CHCHD3: variants seen among roughly 807,000 people sequenced by gnomAD.
CHCHD3 encodes coiled-coil-helix-coiled-coil-helix domain containing 3, also known as MICOS complex subunit MIC19.
CHCHD3 carries 20 observed loss-of-function variants against 38.2 expected under a neutral mutation model. The observed-to-expected ratio is 0.52, with a 90% CI of 0.37 to 0.76. The LOEUF (loss-of-function observed/expected upper bound fraction) is 0.76. CHCHD3 is among the 30% of genes least tolerant of loss of function. The probability of loss-of-function intolerance (pLI) is 0.00; values close to 1 mark genes in which losing one functional copy is unlikely to be tolerated. For synonymous variants in CHCHD3, 82 were observed against 100.0 expected, an observed-to-expected ratio of 0.82 and a Z score of 1.07; for missense variants, 245 against 279.2, an observed-to-expected ratio of 0.88 and a Z score of 0.87.
At chr7:133,072,391 A>G (rs534385047) in intron 1 of CHCHD3, among the ~76,000 whole-genome samples, 1 of 152,196 alleles carries the variant, frequency 6.6e-6, no homozygotes, top group African/African-American at 2.4e-5. Flanking sequence ...CACTTCACTT[A>G]TTTACTCCTT....
chr7:133,032,716 G>A (rs906081397), intron 2 of CHCHD3, among the ~76,000 whole-genome samples: 15 of 151,852 alleles, frequency 9.9e-5, no homozygotes, highest in African/African-American at 3.1e-4. Context: ...CCTAAAACCC[G>A]TATTGAGAAT....
intron 4 of CHCHD3, among the ~76,000 whole-genome samples, chr7:132,968,174 C>T (rs1216933216): frequency 1.3e-5 from 2 of 152,140 alleles, no homozygotes; most frequent in Non-Finnish European, 1.5e-5. Context: ...AGAGGCCACA[C>T]GTGATAACAA....
chr7:132,875,341 G>T (rs563378584), intron 5 of CHCHD3, among the ~76,000 whole-genome samples: 4 of 152,108 alleles, frequency 2.6e-5, no homozygotes, highest in Admixed American at 6.5e-5. Context: ...TTTATCCAAG[G>T]TTTATTATGT....
chr7:133,020,028 G>A (rs1584648132), intron 3 of CHCHD3, among the ~76,000 whole-genome samples: 1 of 151,798 alleles, frequency 6.6e-6, no homozygotes, highest in Admixed American at 6.6e-5. Flanking sequence ...CTGGATTCTC[G>A]GTACGCTGAG....
intron 2 of CHCHD3, among the ~76,000 whole-genome samples, chr7:133,041,814 T>G (rs1392854013): frequency 6.6e-6 from 1 of 152,206 alleles, no homozygotes; most frequent in African/African-American, 2.4e-5. Context: ...AGAACCCACT[T>G]TCACTATTCT....
At chr7:132,820,611 G>GTTTTTTTTTTTTTTTTTT (rs748470167) in intron 6 of CHCHD3, among the ~76,000 whole-genome samples, 2 of 96,190 alleles carry the variant, frequency 2.1e-5, no homozygotes, top group Non-Finnish European at 2.0e-5. Flanking sequence ...ATGTGCTAGT[G>GTTTTTTTTTTTTTTTTTT]TTTTTTTTTT....
At chr7:132,796,097 ATCCTC>A (rs1414983892) in intron 7 of CHCHD3, among the ~76,000 whole-genome samples, 1 of 152,038 alleles carries the variant, frequency 6.6e-6, no homozygotes, top group African/African-American at 2.4e-5. Context: ...CTTAATCTGT[ATCCTC>A]TTCGCTAGCT....
chr7:132,854,252 A>G (rs1412477613), intron 5 of CHCHD3, among the ~76,000 whole-genome samples: 5 of 152,240 alleles, frequency 3.3e-5, no homozygotes, highest in Non-Finnish European at 7.3e-5. Context: ...AAAATGAAAA[A>G]CAAGTATTTA....
At chr7:132,809,956 C>T (rs1421778067) in intron 6 of CHCHD3, among the ~76,000 whole-genome samples, 1 of 152,124 alleles carries the variant, frequency 6.6e-6, no homozygotes, top group East Asian at 1.9e-4. Flanking sequence ...GCCTTGCAGT[C>T]TTGAAATCAG....
Position 132,936,177 on chromosome 7 carries a change from G to A in CHCHD3, c.369+38992C>T, listed in dbSNP as rs141665576. Among the ~76,000 whole-genome samples, 466 of 152,214 alleles carry A rather than the reference G, an allele frequency of 3.1e-3. 3 individuals carry two copies. Among genetic ancestry groups the A allele is most frequent in the African/African-American group, 0.01 (427 of 41,516 alleles). On this transcript the variant is annotated intron_variant, in intron 4 of 7. Coordinates refer to ENST00000262570, the MANE Select transcript of CHCHD3 (RefSeq NM_017812.4). The stretch of plus-strand genomic sequence containing the variant: ...CGTACGTGGAGTTAGTATAGTGCCC[G>A]GCATGAGTAAGCACCCGATAAATGA...
Position 132,796,429 on chromosome 7 carries a change from C to G in CHCHD3, c.660+13G>C, listed in dbSNP as rs200879275. ...TTGCCCAGTGCCCCCAGTGGCCTGG[C>G]TGGCACACCTACCTGTTTGGCATGA... On this transcript the variant is annotated intron_variant, in intron 7 of 7. Coordinates refer to ENST00000262570, the MANE Select transcript of CHCHD3 (RefSeq NM_017812.4). The G allele has an allele frequency of 1.0e-4, 168 of 1,613,392 alleles. 1 individual carries two copies. The African/African-American group carries it at 1.9e-3, about 18-fold the overall frequency.
At chr7:132,806,729 C>T (rs939075089) in intron 6 of CHCHD3, among the ~76,000 whole-genome samples, 8 of 151,392 alleles carry the variant, frequency 5.3e-5, no homozygotes, top group Non-Finnish European at 1.2e-4. Context: ...AATTTACATA[C>T]AGATTAAAGA....
chr7:132,817,416 A>G (rs2117061424), intron 6 of CHCHD3, among the ~76,000 whole-genome samples: 1 of 152,216 alleles, frequency 6.6e-6, no homozygotes, highest in Non-Finnish European at 1.5e-5. Context: ...GTGCATTGAG[A>G]TTAAAAAAAA....
At chr7:132,975,379 T>A in intron 3 of CHCHD3, 93 bp from the exon 4 acceptor site, 3 of 1,107,994 alleles carry the variant, frequency 2.7e-6, no homozygotes, top group Admixed American at 4.2e-5. Flanking sequence ...TAGAAACACA[T>A]AGCCAAAAAG....
At chr7:132,891,597 C>A (rs376992314) in intron 4 of CHCHD3, among the ~76,000 whole-genome samples, 30 of 152,162 alleles carry the variant, frequency 2.0e-4, no homozygotes, top group African/African-American at 6.5e-4. Flanking sequence ...GAGCCCTGAT[C>A]GACATTTTAA....
At chr7:133,023,920 A>G (rs1562940670) in intron 3 of CHCHD3, among the ~76,000 whole-genome samples, 1 of 152,166 alleles carries the variant, frequency 6.6e-6, no homozygotes. Context: ...TGTTACAAAA[A>G]CACTTCAATG....
intron 6 of CHCHD3, chr7:132,813,518 G>A (rs1807126346): frequency 6.6e-6 from 1 of 152,146 alleles, no homozygotes; most frequent in Non-Finnish European, 1.5e-5. Flanking sequence ...AGATTAGTAA[G>A]ATAACGTTTA....
intron 3 of CHCHD3, among the ~76,000 whole-genome samples, chr7:133,008,617 T>C (rs1812771498): frequency 6.6e-6 from 1 of 152,132 alleles, no homozygotes; most frequent in Admixed American, 6.5e-5. Flanking sequence ...ATGAAATGTC[T>C]GAGACAAATT....
At chr7:133,036,295 C>G (rs901312110) in intron 2 of CHCHD3, among the ~76,000 whole-genome samples, 1 of 152,068 alleles carries the variant, frequency 6.6e-6, no homozygotes, top group Admixed American at 6.6e-5. Context: ...TTACACAGTT[C>G]ATAGGGAATT....
Sources: allele counts gnomAD v4.1 joint callset (sites outside exome capture counted in the v4.1 genomes callset), GRCh38; gene constraint gnomAD v4.1.1; transcripts MANE v1.5; gene names NCBI Gene and HGNC (gene_info 2026-07-23, HGNC 2026-07-21).